TCOF1: variants seen among roughly 807,000 people sequenced by gnomAD.
TCOF1 encodes the protein treacle protein.
In TCOF1, 33 loss-of-function variants were observed where a neutral mutation model predicts 149.0. The ratio of observed to expected loss-of-function variants is 0.22; its 90% confidence interval spans 0.17 to 0.30. The LOEUF (loss-of-function observed/expected upper bound fraction) is 0.30. Ranked by LOEUF, TCOF1 falls within the 10% of genes least tolerant of loss-of-function variation. TCOF1 has a pLI of 1.00. For missense variants in TCOF1, 1,728 were observed against 1,840.7 expected (o/e 0.94, Z 1.12); for synonymous variants, 789 against 738.8 (o/e 1.07, Z -1.10).
chr5:150,385,920 T>TA (rs1279791515), intron 17 of TCOF1, among the ~76,000 whole-genome samples: 1 of 152,188 alleles, frequency 6.6e-6, no homozygotes, highest in Non-Finnish European at 1.5e-5. Context: ...TACTGTGCTT[T>TA]CCAGTTTCCA....
intron 3 of TCOF1, 150 bp from the exon 4 acceptor site, chr5:150,367,693 CA>C (rs1467675170): frequency 7.3e-6 from 6 of 823,768 alleles, no homozygotes; most frequent in Admixed American, 6.1e-5. Context: ...TCACAGAGCT[CA>C]TTCCTGCAAG....
intron 23 of TCOF1, chr5:150,394,475 C>G (rs899259414): frequency 2.0e-5 from 3 of 152,284 alleles, no homozygotes; most frequent in African/African-American, 7.2e-5. Context: ...ATTTGGAGGG[C>G]AGACTGGATT....
chr5:150,392,661 C>T (rs1476007835), intron 21 of TCOF1, 44 bp from the exon 22 acceptor site: 1 of 1,607,128 alleles, frequency 6.2e-7, no homozygotes, highest in East Asian at 2.2e-5. Context: ...TCCCGGCTGG[C>T]AGGGGCCACC....
rs112492707 is a variant in TCOF1, at chr5:150,393,155, T to A, written c.3604-217T>A. The A allele has an allele frequency of 7.4e-4, 457 of 617,938 alleles. 2 individuals are homozygous for A. The highest frequency in any genetic ancestry group is 7.2e-3 in the African/African-American group (391 of 54,342). 38.3% of individuals were successfully genotyped at this position (617,938 alleles called of 1,614,324 possible). ...TAATAAGAAATTTCCTTTTTAAATGTGCCTGTCTAGAAAGTGTATTAATTA... is the reference window on the plus strand; with the variant it reads ...TAATAAGAAATTTCCTTTTTAAATGAGCCTGTCTAGAAAGTGTATTAATTA... On this transcript the variant is annotated intron_variant, in intron 22 of 26. Transcript: ENST00000643257.
At chr5:150,394,010 CA>C (rs966224270) in intron 23 of TCOF1, 208 of 199,388 alleles carry the variant, frequency 1.0e-3, no homozygotes, top group South Asian at 2.8e-3. Context: ...GACCCTGTCT[CA>C]AAAAAAAAGT....
At chr5:150,370,230 G>A (rs554484579) in intron 6 of TCOF1, among the ~76,000 whole-genome samples, 4 of 152,350 alleles carry the variant, frequency 2.6e-5, no homozygotes, top group African/African-American at 4.8e-5. Flanking sequence ...TATTTAATTG[G>A]TGATGGCTGC....
intron 21 of TCOF1, 187 bp from the exon 22 acceptor site, chr5:150,392,518 C>T: frequency 3.1e-6 from 2 of 640,608 alleles, no homozygotes; most frequent in East Asian, 2.7e-5. Context: ...AAATGTCGCA[C>T]CTAGCATGCT....
intron 14 of TCOF1, 86 bp downstream of exon 14, chr5:150,376,706 G>A (rs1432589805): frequency 7.1e-7 from 1 of 1,401,742 alleles, no homozygotes; most frequent in Admixed American, 2.0e-5. Flanking sequence ...GGCTAGTGTT[G>A]CCTGCAGGTG....
Position 150,383,268 on chromosome 5 carries a change from G to A in TCOF1, c.2859+3536G>A, listed in dbSNP as rs542022453. On this transcript the variant is annotated intron_variant, in intron 17 of 26. Transcript: ENST00000643257. ...AGATCTTGCCCATAGGGAAAATCTCGCCATATTTAAACAGCACCTCACAGC... is the reference window on the plus strand; with the variant it reads ...AGATCTTGCCCATAGGGAAAATCTCACCATATTTAAACAGCACCTCACAGC... 76 of 1,087,032 alleles carry A rather than the reference G, an allele frequency of 7.0e-5. 1 individual carries two copies. In the South Asian group the frequency reaches 9.3e-4, roughly 13 times the overall value. 67.3% of individuals were successfully genotyped at this position (1,087,032 alleles called of 1,614,324 possible). A position where few individuals can be genotyped will look rare whatever the true frequency, so the allele number is the denominator to read the frequency against.
At chr5:150,393,632 A>G in intron 23 of TCOF1, 80 bp downstream of exon 23, 2 of 1,574,498 alleles carry the variant, frequency 1.3e-6, no homozygotes, top group Non-Finnish European at 1.7e-6. Flanking sequence ...TCCTGTAGCA[A>G]CAGTCCTCCC....
At position 150,379,618 on chromosome 5, in the gene TCOF1, T is replaced by A. The variant is rs1235109927; in HGVS notation, c.2745T>A (p.Pro915=). 2 of 1,613,126 alleles carry A rather than the reference T, an allele frequency of 1.2e-6. No homozygotes were observed. Among genetic ancestry groups the A allele is most frequent in the Non-Finnish European group, 8.5e-7 (1 of 1,179,796 alleles). ...CCAGGAAAGGGGCTGCCCCAACACC[T>A]CCTGGGAAGACAGGGCCTTCGGCTG... ...ESPRKGAAPT[P]PGKTGPSAAQ... is the part of the protein sequence containing the mutation. The change falls in exon 17 of 27, where the codon CCT becomes CCA. Residue 915 remains proline (P), a synonymous_variant. Coordinates refer to ENST00000643257, the MANE Select transcript of TCOF1 (RefSeq NM_001371623.1).
At chr5:150,394,916 C>CAAAAAAAA (rs57777218) in intron 23 of TCOF1, 1 of 71,872 alleles carries the variant, frequency 1.4e-5, no homozygotes, top group Non-Finnish European at 2.7e-5. Flanking sequence ...AACTCTGTCT[C>CAAAAAAAA]AAAAAAAAAA....
Position 150,379,644 on chromosome 5 carries a change from C to T in TCOF1, c.2771C>T (p.Ala924Val). 1 of 1,614,158 alleles carries T rather than the reference C, an allele frequency of 6.2e-7. No homozygotes were observed. The highest frequency in any genetic ancestry group is 8.5e-7 in the Non-Finnish European group (1 of 1,180,030). ...TPPGKTGPSA[A>V]QAGKQDDSGS... ...CCTGGGAAGACAGGGCCTTCGGCTG[C>T]CCAGGCAGGGAAGCAGGATGACTCA... Residue 924 changes from alanine to valine, a missense_variant, in exon 17 of 27, where the codon GCC becomes GTC. Physicochemically the swap from Ala to Val is moderately conservative, Grantham distance 64. Transcript: ENST00000643257.
chr5:150,368,653 G>T, intron 4 of TCOF1, 63 bp from the exon 5 acceptor site: 1 of 1,591,518 alleles, frequency 6.3e-7, no homozygotes, highest in Non-Finnish European at 8.6e-7. Context: ...TCAGATGCAA[G>T]TGGCCTGTGC....
At chr5:150,394,241 C>G (rs1269025697) in intron 23 of TCOF1, 3 of 153,204 alleles carry the variant, frequency 2.0e-5, no homozygotes, top group Non-Finnish European at 4.4e-5. Context: ...GGCCTTGGGC[C>G]TCAGAGGATA....
Position 150,374,370 on chromosome 5 carries a change from C to A in TCOF1, c.1067C>A (p.Ala356Asp). ...SSDSEEETPAAKALLQAKASG... is the reference protein window; with the variant it reads ...SSDSEEETPADKALLQAKASG... Reference sequence around the variant, plus strand: ...GACAGTGAGGAGGAGACGCCAGCTGCCAAGGCCCTGCTTCAGGTGAGGCCT... The same window carrying A: ...GACAGTGAGGAGGAGACGCCAGCTGACAAGGCCCTGCTTCAGGTGAGGCCT... The change falls in exon 8 of 27, where the codon GCC becomes GAC. Residue 356 changes from alanine (A) to aspartate (D), a missense_variant. By Grantham distance (126) the Ala-to-Asp change is moderately radical. Transcript: ENST00000643257. The A allele has an allele frequency of 6.4e-7, 1 of 1,554,712 alleles. No homozygotes were observed. The highest frequency in any genetic ancestry group is 8.7e-7 in the Non-Finnish European group (1 of 1,149,036).
chr5:150,375,308 C>A (rs1318486288), intron 10 of TCOF1, 31 bp from the exon 11 acceptor site: 1 of 1,607,206 alleles, frequency 6.2e-7, no homozygotes, highest in East Asian at 2.2e-5. Context: ...TTCTGGACTC[C>A]CTCCCTAATC....
chr5:150,359,139 G>A (rs1459838919), intron 1 of TCOF1, among the ~76,000 whole-genome samples: 2 of 152,146 alleles, frequency 1.3e-5, no homozygotes, highest in East Asian at 1.9e-4. Flanking sequence ...TTGAGGCCAG[G>A]AGTTCAAAAC....
intron 21 of TCOF1, 183 bp downstream of exon 21, chr5:150,392,359 C>T: frequency 1.5e-6 from 1 of 676,768 alleles, no homozygotes; most frequent in East Asian, 2.7e-5. Flanking sequence ...ATTTCAGAGA[C>T]CTGACTTTGC....
Sources: gnomAD v4.1 joint callset for allele counts (sites outside exome capture counted in the v4.1 genomes callset) on GRCh38, gnomAD v4.1.1 for gene constraint, MANE v1.5 for transcripts, NCBI Gene and HGNC (gene_info 2026-07-23, HGNC 2026-07-21) for gene names.